SLC17A6: variants seen among roughly 807,000 people sequenced by gnomAD.
SLC17A6 encodes vesicular glutamate transporter 2.
Under a neutral mutation model 67.1 loss-of-function variants are expected in SLC17A6, and 35 were observed. That is an observed-to-expected ratio of 0.52 (90% CI 0.40 to 0.69). SLC17A6 has a LOEUF of 0.69. SLC17A6 is among the 30% of genes least tolerant of loss of function. The probability of loss-of-function intolerance (pLI) is 0.00; values close to 1 mark genes in which losing one functional copy is unlikely to be tolerated. For missense variants in SLC17A6, 588 were observed against 723.9 expected (o/e 0.81, Z 2.15); for synonymous variants, 285 against 252.3 (o/e 1.13, Z -1.23).
rs372608256 is a variant in SLC17A6 at position 22,379,253 on chromosome 11, A to G, written c.*1513A>G. The G allele has an allele frequency of 1.3e-5, 2 of 152,380 alleles. No individual in the cohort carries two copies. Among genetic ancestry groups the G allele is most frequent in the East Asian group, 1.9e-4 (1 of 5,188 alleles). 9.4% of individuals were successfully genotyped at this position (152,380 alleles called of 1,614,324 possible). ...TATTGGTGTATTTTGTCTATTCTGG[A>G]TATTTGATCTGTTCAATGTACTGTG... On this transcript the variant is annotated 3_prime_UTR_variant, in exon 12 of 12. Coordinates refer to ENST00000263160, the MANE Select transcript of SLC17A6 (RefSeq NM_020346.3).
chr11:22,346,543 G>T (rs1301287925), intron 3 of SLC17A6, among the ~76,000 whole-genome samples: 1 of 151,930 alleles, frequency 6.6e-6, no homozygotes, highest in African/African-American at 2.4e-5. Context: ...ATGGGCTGGA[G>T]AATTTAGTCA....
At chr11:22,361,214 A>G in intron 5 of SLC17A6, 1 of 435,964 alleles carries the variant, frequency 2.3e-6, no homozygotes. Flanking sequence ...CATTTCATCT[A>G]GGATTTCAAA....
At chr11:22,370,010 T>C (rs762204673) in intron 7 of SLC17A6, 29 bp from the exon 8 acceptor site, 16 of 1,597,732 alleles carry the variant, frequency 1.0e-5, no homozygotes, top group Non-Finnish European at 1.4e-5. Context: ...TTTAAAATGG[T>C]CATAATGTCT....
intron 3 of SLC17A6, among the ~76,000 whole-genome samples, chr11:22,357,243 C>T (rs1020532637): frequency 3.3e-5 from 5 of 152,096 alleles, no homozygotes; most frequent in South Asian, 2.1e-4. Context: ...TGAATAATAC[C>T]CATGTCTCTG....
chr11:22,366,409 A>T (rs925205452), intron 7 of SLC17A6, among the ~76,000 whole-genome samples: 2 of 152,168 alleles, frequency 1.3e-5, no homozygotes, highest in Non-Finnish European at 2.9e-5. Context: ...GTAGTTTAGG[A>T]GATACTGAAG....
At chr11:22,347,621 T>A (rs571936304) in intron 3 of SLC17A6, among the ~76,000 whole-genome samples, 1 of 152,356 alleles carries the variant, frequency 6.6e-6, no homozygotes, top group South Asian at 2.1e-4. Context: ...AATGCCTTTT[T>A]TCATGAGTCA....
chr11:22,341,094 G>A (rs752591454), intron 1 of SLC17A6, among the ~76,000 whole-genome samples: 1 of 152,202 alleles, frequency 6.6e-6, no homozygotes, highest in Non-Finnish European at 1.5e-5. Context: ...AGGACACCGC[G>A]GTAGTCAGGG....
At position 22,377,798 on chromosome 11, in the gene SLC17A6, CA is replaced by C; in HGVS notation, c.*63del. On this transcript the variant is annotated 3_prime_UTR_variant, in exon 12 of 12. Coordinates refer to ENST00000263160, the MANE Select transcript of SLC17A6 (RefSeq NM_020346.3). ...TGTGATTAAATTCATTGTGATTGCA[CA>C]AAAATTTTAAAAACACGTGATGTAA... 1 of 1,394,122 alleles carries C rather than the reference CA, an allele frequency of 7.2e-7. No individual in the cohort carries two copies. The highest frequency in any genetic ancestry group is 9.6e-7 in the Non-Finnish European group (1 of 1,041,150). 86.4% of individuals were successfully genotyped at this position (1,394,122 alleles called of 1,614,324 possible). A position where few individuals can be genotyped will look rare whatever the true frequency, so the allele number is the denominator to read the frequency against.
intron 1 of SLC17A6, 150 bp downstream of exon 1, chr11:22,338,769 C>T (rs1855765676): frequency 3.2e-6 from 2 of 619,256 alleles, no homozygotes; most frequent in Non-Finnish European, 5.8e-6. Flanking sequence ...GCTCTGGAAA[C>T]CTGCTTATTA....
rs755201652 is a variant in SLC17A6 at position 22,376,097 on chromosome 11, G to A, written c.1285+5G>A. 4 of 1,601,208 alleles carry A rather than the reference G, an allele frequency of 2.5e-6. No homozygotes were observed. The highest frequency in any genetic ancestry group is 1.7e-5 in the Admixed American group (1 of 59,538). ...TCAGTGGATTTGCTATATCTGGTAA[G>A]ATATAATTTTTTTTCTTTGTACTTG... On this transcript the variant is annotated splice_donor_5th_base_variant and intron_variant, in intron 10 of 11. Coordinates refer to ENST00000263160, the MANE Select transcript of SLC17A6 (RefSeq NM_020346.3).
At chr11:22,375,805 A>G (rs1422101802) in intron 9 of SLC17A6, among the ~76,000 whole-genome samples, 177 bp from the exon 10 acceptor site, 1 of 152,118 alleles carries the variant, frequency 6.6e-6, no homozygotes, top group Non-Finnish European at 1.5e-5. Context: ...AACACAAGGA[A>G]AGCTTCATGA....
At chr11:22,341,421 C>T in intron 1 of SLC17A6, 107 bp from the exon 2 acceptor site, 5 of 1,489,958 alleles carry the variant, frequency 3.4e-6, no homozygotes, top group Non-Finnish European at 4.5e-6. Context: ...GGGGGGAGGT[C>T]GACGGCCCTC....
chr11:22,353,503 G>A (rs1355201330), intron 3 of SLC17A6, among the ~76,000 whole-genome samples: 1 of 152,188 alleles, frequency 6.6e-6, no homozygotes, highest in African/African-American at 2.4e-5. Context: ...AGAAATTGGA[G>A]TTGGAATTTG....
intron 1 of SLC17A6, among the ~76,000 whole-genome samples, 164 bp downstream of exon 1, chr11:22,338,783 C>T (rs1302685692): frequency 6.7e-6 from 1 of 149,094 alleles, no homozygotes; most frequent in East Asian, 2.0e-4. Context: ...CTTATTAATG[C>T]AGGAATGTTG....
chr11:22,346,040 A>G (rs769726411), intron 3 of SLC17A6, among the ~76,000 whole-genome samples: 63 of 152,320 alleles, frequency 4.1e-4, no homozygotes, highest in Admixed American at 1.2e-3. Context: ...AGCAAAACCA[A>G]TCTTCCACTT....
intron 4 of SLC17A6, among the ~76,000 whole-genome samples, chr11:22,360,160 G>A (rs996931030): frequency 1.3e-5 from 2 of 150,804 alleles, no homozygotes; most frequent in African/African-American, 4.9e-5. Context: ...AAAGGAATGA[G>A]ATCATGTCCT....
chr11:22,355,443 T>G (rs545080183), intron 3 of SLC17A6, among the ~76,000 whole-genome samples: 8 of 152,316 alleles, frequency 5.3e-5, no homozygotes, highest in Middle Eastern at 3.4e-3. Flanking sequence ...GCCATCATCC[T>G]GGCTGAACTT....
At chr11:22,339,207 TAG>T (rs1204278305) in intron 1 of SLC17A6, among the ~76,000 whole-genome samples, 2 of 139,382 alleles carry the variant, frequency 1.4e-5, no homozygotes, top group South Asian at 2.3e-4. Flanking sequence ...ATATATATGT[TAG>T]AGAGAGAGAG....
intron 3 of SLC17A6, among the ~76,000 whole-genome samples, chr11:22,346,718 T>G (rs1855880329): frequency 6.6e-6 from 1 of 151,628 alleles, no homozygotes; most frequent in Admixed American, 6.6e-5. Flanking sequence ...TCCAGATATT[T>G]ACAAATATGA....
Sources: allele counts gnomAD v4.1 joint callset (sites outside exome capture counted in the v4.1 genomes callset), GRCh38; gene constraint gnomAD v4.1.1; transcripts MANE v1.5; gene names NCBI Gene and HGNC (gene_info 2026-07-23, HGNC 2026-07-21).